EXOC6B: variants seen among roughly 807,000 people sequenced by gnomAD.
The protein encoded by EXOC6B is exocyst complex component 6B, also known as SEC15 homolog B.
A neutral mutation model predicts 113.5 loss-of-function variants in EXOC6B; 54 were observed. The ratio of observed to expected loss-of-function variants is 0.48; its 90% confidence interval spans 0.38 to 0.60. The LOEUF (loss-of-function observed/expected upper bound fraction) is 0.60, where lower values mean the gene tolerates loss of function less well. Among genes scored for constraint, EXOC6B ranks in the 20% least tolerant of loss-of-function variants. The probability of loss-of-function intolerance (pLI) is 0.00; values close to 1 mark genes in which losing one functional copy is unlikely to be tolerated. For synonymous variants in EXOC6B, 357 were observed against 339.0 expected (o/e 1.05, Z -0.58); for missense variants, 797 against 977.5 (o/e 0.82, Z 2.46).
chr2:72,233,685 G>C (rs1681775387), intron 20 of EXOC6B, among the ~76,000 whole-genome samples: 1 of 152,220 alleles, frequency 6.6e-6, no homozygotes, highest in African/African-American at 2.4e-5. Flanking sequence ...AGAAGACACA[G>C]TTGTGGCACC....
At chr2:72,387,024 T>G (rs1005153303) in intron 18 of EXOC6B, among the ~76,000 whole-genome samples, 1 of 152,186 alleles carries the variant, frequency 6.6e-6, no homozygotes, top group Non-Finnish European at 1.5e-5. Flanking sequence ...AGATTTCTTA[T>G]AGATATCCTT....
intron 18 of EXOC6B, among the ~76,000 whole-genome samples, chr2:72,401,494 C>CATATATATATAT (rs1170388566): frequency 1.7e-5 from 1 of 59,644 alleles, no homozygotes; most frequent in Non-Finnish European, 2.9e-5. Context: ...ATTTTATATA[C>CATATATATATAT]ATATATATAT....
intron 20 of EXOC6B, among the ~76,000 whole-genome samples, chr2:72,273,474 G>A (rs1684625208): frequency 6.6e-6 from 1 of 152,104 alleles, no homozygotes; most frequent in Non-Finnish European, 1.5e-5. Flanking sequence ...ATGATATGCT[G>A]CAACAAATCT....
chr2:72,430,242 T>G (rs1422980882), intron 18 of EXOC6B, among the ~76,000 whole-genome samples: 1 of 152,234 alleles, frequency 6.6e-6, no homozygotes, highest in East Asian at 1.9e-4. Flanking sequence ...TGGTCTTTTC[T>G]TCCAAATACT....
At chr2:72,635,852 T>A (rs1672780039) in intron 6 of EXOC6B, among the ~76,000 whole-genome samples, 1 of 152,214 alleles carries the variant, frequency 6.6e-6, no homozygotes, top group African/African-American at 2.4e-5. Context: ...TTATACACCA[T>A]GACCAAGTAG....
At chr2:72,686,955 A>G (rs1015006328) in intron 6 of EXOC6B, among the ~76,000 whole-genome samples, 1 of 152,014 alleles carries the variant, frequency 6.6e-6, no homozygotes, top group Non-Finnish European at 1.5e-5. Context: ...TGCCTAAGAC[A>G]GTGAAACCCC....
intron 16 of EXOC6B, among the ~76,000 whole-genome samples, chr2:72,483,669 T>C (rs1290191064): frequency 1.3e-5 from 2 of 152,218 alleles, no homozygotes; most frequent in Non-Finnish European, 2.9e-5. Context: ...GAGAGAATAT[T>C]GTCTGTTAAC....
chr2:72,422,564 T>G (rs1694956819), intron 18 of EXOC6B, among the ~76,000 whole-genome samples: 1 of 151,352 alleles, frequency 6.6e-6, no homozygotes, highest in Non-Finnish European at 1.5e-5. Context: ...CCTTTATGTC[T>G]AGCTCAGGGA....
chr2:72,588,975 T>C (rs548978524), intron 6 of EXOC6B, among the ~76,000 whole-genome samples: 2 of 152,072 alleles, frequency 1.3e-5, no homozygotes, highest in Admixed American at 6.5e-5. Flanking sequence ...TTGCACTTAC[T>C]TGATAGATTT....
chr2:72,486,368 CAA>C (rs761621153), intron 16 of EXOC6B, among the ~76,000 whole-genome samples: 5 of 117,236 alleles, frequency 4.3e-5, no homozygotes, highest in Admixed American at 9.0e-5. Flanking sequence ...GACTCCATCT[CAA>C]AAAAAAAAAA....
intron 6 of EXOC6B, among the ~76,000 whole-genome samples, chr2:72,672,559 A>AAAAAAG (rs1329647721): frequency 6.7e-6 from 1 of 149,870 alleles, no homozygotes; most frequent in Non-Finnish European, 1.5e-5. Flanking sequence ...AAAAAAAAAA[A>AAAAAAG]AAAAAGAAAA....
intron 1 of EXOC6B, among the ~76,000 whole-genome samples, chr2:72,767,569 G>A (rs1325963949): frequency 4.0e-5 from 6 of 151,710 alleles, no homozygotes; most frequent in African/African-American, 7.3e-5. Context: ...CAACACTTTG[G>A]GAGGCGAGGC....
intron 18 of EXOC6B, among the ~76,000 whole-genome samples, chr2:72,411,238 G>A (rs982670553): frequency 2.0e-5 from 3 of 151,854 alleles, no homozygotes; most frequent in Non-Finnish European, 4.4e-5. Flanking sequence ...AACAAAAATA[G>A]ACACTATCAA....
chr2:72,695,037 C>T (rs1677771669), intron 6 of EXOC6B, among the ~76,000 whole-genome samples: 2 of 152,218 alleles, frequency 1.3e-5, no homozygotes. Flanking sequence ...TATCTTTCAC[C>T]TTTGGCTGAA....
chr2:72,696,449 T>A (rs980265765), intron 6 of EXOC6B, among the ~76,000 whole-genome samples: 13 of 152,214 alleles, frequency 8.5e-5, no homozygotes, highest in African/African-American at 2.7e-4. Context: ...CCTGTGCCCA[T>A]GTGCCTTTGC....
chr2:72,553,091 A>G (rs748815770), intron 8 of EXOC6B, among the ~76,000 whole-genome samples: 11 of 152,054 alleles, frequency 7.2e-5, no homozygotes, highest in Non-Finnish European at 1.3e-4. Flanking sequence ...TACACAGAAA[A>G]CTTAGGAACC....
chr2:72,459,781 C>CA (rs1697503425), intron 18 of EXOC6B, among the ~76,000 whole-genome samples: 1 of 152,044 alleles, frequency 6.6e-6, no homozygotes, highest in African/African-American at 2.4e-5. Flanking sequence ...CCATACTGCC[C>CA]AAGGTAATTT....
intron 20 of EXOC6B, among the ~76,000 whole-genome samples, chr2:72,227,985 T>G (rs998833372): frequency 6.6e-6 from 1 of 152,018 alleles, no homozygotes; most frequent in African/African-American, 2.4e-5. Context: ...TAAAATGATA[T>G]GAAAGGGCAA....
At chr2:72,701,108 C>G (rs1320833047) in intron 6 of EXOC6B, among the ~76,000 whole-genome samples, 1 of 151,996 alleles carries the variant, frequency 6.6e-6, no homozygotes, top group Non-Finnish European at 1.5e-5. Context: ...TTTTGGGAGG[C>G]TGAGGAAGGT....
Sources: gnomAD v4.1 joint callset for allele counts (sites outside exome capture counted in the v4.1 genomes callset) on GRCh38, gnomAD v4.1.1 for gene constraint, MANE v1.5 for transcripts, NCBI Gene and HGNC (gene_info 2026-07-23, HGNC 2026-07-21) for gene names.